Variants in FAT4 observed in about 807,000 individuals in gnomAD.
FAT4 encodes the protein FAT atypical cadherin 4.
Under a neutral mutation model 303.9 loss-of-function variants are expected in FAT4, and 84 were observed. That is an observed-to-expected ratio of 0.28 (90% confidence interval 0.23 to 0.33). FAT4 has a LOEUF of 0.33. Ranked by LOEUF, FAT4 falls within the 10% of genes least tolerant of loss-of-function variation. FAT4 has a pLI of 1.00. For synonymous variants in FAT4, 2,307 were observed against 2,298.8 expected, an observed-to-expected ratio of 1.00 and a Z score of -0.10; for missense variants, 6,005 against 6,146.8, an observed-to-expected ratio of 0.98 and a Z score of 0.77.
intron 11 of FAT4, among the ~76,000 whole-genome samples, chr4:125,466,876 G>A (rs935596704): frequency 6.0e-5 from 9 of 150,800 alleles, no homozygotes; most frequent in Non-Finnish European, 1.2e-4. Context: ...CCAGGTTCAC[G>A]CCATTCTCCT....
At chr4:125,381,923 C>T (rs571466567) in intron 2 of FAT4, among the ~76,000 whole-genome samples, 2 of 152,316 alleles carry the variant, frequency 1.3e-5, no homozygotes, top group East Asian at 3.9e-4. Flanking sequence ...GAATAGGTTC[C>T]ATCTCAAGAA....
chr4:125,455,918 G>A (rs964286578), intron 10 of FAT4, among the ~76,000 whole-genome samples: 1 of 152,200 alleles, frequency 6.6e-6, no homozygotes, highest in African/African-American at 2.4e-5. Context: ...AACTGGCTAA[G>A]AATACAGGTC....
At chr4:125,345,260 G>A (rs1048005931) in intron 2 of FAT4, among the ~76,000 whole-genome samples, 1 of 151,990 alleles carries the variant, frequency 6.6e-6, no homozygotes, top group Non-Finnish European at 1.5e-5. Flanking sequence ...TTTCATATGG[G>A]AATAGAACAG....
In FAT4 at chr4:125,450,504, C is replaced by T. The variant is rs770333760; in HGVS notation, c.9494C>T (p.Thr3165Met). 50 of 1,613,910 alleles carry T rather than the reference C, an allele frequency of 3.1e-5. No homozygotes were observed. The highest frequency in any genetic ancestry group is 1.0e-4 in the Admixed American group (6 of 59,978). ...DYELCQKHEM[T>M]ISAIDGGWVA... ...GAGCTATGCCAGAAACACGAAATGA[C>T]GATTAGTGCTATAGATGGAGGATGG... Residue 3165 changes from threonine (T) to methionine (M), a missense_variant, in exon 10 of 18, where the codon ACG (threonine) becomes ATG (methionine). Thr to Met is a moderately conservative substitution (Grantham distance 81). Coordinates refer to ENST00000394329, the MANE Select transcript of FAT4 (RefSeq NM_001291303.3).
At chr4:125,441,166 A>T (rs2126050162) in intron 8 of FAT4, among the ~76,000 whole-genome samples, 1 of 152,316 alleles carries the variant, frequency 6.6e-6, no homozygotes, top group South Asian at 2.1e-4. Flanking sequence ...AGGAGTTTGG[A>T]ACTCTAGGGC....
chr4:125,386,177 C>A (rs930334313), intron 2 of FAT4, among the ~76,000 whole-genome samples: 1 of 152,106 alleles, frequency 6.6e-6, no homozygotes, highest in African/African-American at 2.4e-5. Context: ...AATAAATGTA[C>A]ATTAAATGCC....
In FAT4 at chr4:125,318,051, A is replaced by T. The variant is rs1304326459; in HGVS notation, c.1640A>T (p.Gln547Leu). ...SGGLDRELAS[Q>L]IVLNISARDQ... ...GGCCTGGACCGTGAACTTGCTTCCC[A>T]GATTGTTCTGAATATAAGTGCCCGG... Residue 547 changes from glutamine to leucine, a missense_variant, in exon 2 of 18, where the codon CAG becomes CTG. Transcript: ENST00000394329. The T allele has an allele frequency of 6.2e-7, 1 of 1,614,096 alleles. No homozygotes were observed. Among genetic ancestry groups the T allele is most frequent in the Admixed American group, 1.7e-5 (1 of 60,022 alleles).
intron 5 of FAT4, among the ~76,000 whole-genome samples, chr4:125,409,797 T>G (rs1360479943): frequency 6.6e-6 from 1 of 152,198 alleles, no homozygotes. Context: ...AAACATTGTA[T>G]GGATTATCAA....
chr4:125,463,774 A>G (rs938951432), intron 11 of FAT4, 107 bp downstream of exon 11: 2 of 568,716 alleles, frequency 3.5e-6, no homozygotes, highest in Middle Eastern at 4.9e-4. Context: ...ATTGTTTTAC[A>G]TGGAAGGTTT....
At chr4:125,481,832 A>G (rs983642276) in intron 16 of FAT4, 94 bp downstream of exon 16, 5 of 1,106,316 alleles carry the variant, frequency 4.5e-6, no homozygotes, top group African/African-American at 1.6e-5. Flanking sequence ...CCTTTTCTTT[A>G]CAACCCATTA....
At chr4:125,485,574 C>T (rs1727380147) in intron 16 of FAT4, among the ~76,000 whole-genome samples, 1 of 152,164 alleles carries the variant, frequency 6.6e-6, no homozygotes, top group South Asian at 2.1e-4. Context: ...ACAGATGGAA[C>T]TGTCATCTCC....
At chr4:125,423,747 G>T (rs546943297) in intron 7 of FAT4, among the ~76,000 whole-genome samples, 1 of 152,160 alleles carries the variant, frequency 6.6e-6, no homozygotes, top group Non-Finnish European at 1.5e-5. Context: ...GAGTGGGACT[G>T]TACCCTGCAA....
intron 7 of FAT4, among the ~76,000 whole-genome samples, chr4:125,419,700 G>A (rs1270041252): frequency 1.3e-5 from 2 of 152,104 alleles, no homozygotes; most frequent in East Asian, 3.9e-4. Flanking sequence ...ACCACCACCA[G>A]CTGCCACCTT....
At chr4:125,392,795 T>C (rs2126008107) in intron 2 of FAT4, among the ~76,000 whole-genome samples, 1 of 152,308 alleles carries the variant, frequency 6.6e-6, no homozygotes, top group Admixed American at 6.5e-5. Flanking sequence ...ATAAAATGCA[T>C]ATTTTTTATG....
intron 2 of FAT4, among the ~76,000 whole-genome samples, chr4:125,331,092 T>C (rs2125957626): frequency 6.6e-6 from 1 of 152,308 alleles, no homozygotes; most frequent in South Asian, 2.1e-4. Context: ...TTTTTCTCTT[T>C]CCTTCCTTTT....
intron 2 of FAT4, among the ~76,000 whole-genome samples, chr4:125,385,024 AT>A (rs70960372): frequency 0.17 from 15,901 of 93,588 alleles, 1,112 homozygotes; most frequent in Non-Finnish European, 0.22. Flanking sequence ...ATATATATAT[AT>A]TTTTTTTTTT....
rs142550223 is a variant in FAT4, at chr4:125,424,820, T to G, written c.7018+8198T>G. 2.4e-3 allele frequency among the ~76,000 whole-genome samples: 366 copies of G among 152,254 alleles called. 4 individuals carry two copies. The highest frequency in any genetic ancestry group is 8.1e-3 in the Admixed American group (124 of 15,292). On this transcript the variant is annotated intron_variant, in intron 7 of 17. Coordinates refer to ENST00000394329, the MANE Select transcript of FAT4 (RefSeq NM_001291303.3). ...AACTGGCGAGAGAGTGTTAAGTACT[T>G]ACGTATTTTACCCATTTTGAAAGTT... is the stretch of plus-strand genomic sequence containing the variant.
chr4:125,380,559 A>G (rs1733501896), intron 2 of FAT4, among the ~76,000 whole-genome samples: 1 of 152,118 alleles, frequency 6.6e-6, no homozygotes, highest in Non-Finnish European at 1.5e-5. Context: ...AACAGAGACT[A>G]TTAAGATTGT....
At chr4:125,484,140 G>A (rs1175599445) in intron 16 of FAT4, among the ~76,000 whole-genome samples, 1 of 151,724 alleles carries the variant, frequency 6.6e-6, no homozygotes, top group Non-Finnish European at 1.5e-5. Flanking sequence ...GAGGAAGGGT[G>A]TTGGGTAAAT....
Sources: gnomAD v4.1 joint callset for allele counts (sites outside exome capture counted in the v4.1 genomes callset) on GRCh38, gnomAD v4.1.1 for gene constraint, MANE v1.5 for transcripts, NCBI Gene and HGNC (gene_info 2026-07-23, HGNC 2026-07-21) for gene names.